The following TTC7A variants were observed in gnomAD, a reference collection of about 807,000 sequenced individuals.
The protein encoded by TTC7A is tetratricopeptide repeat protein 7A.
TTC7A carries 110 observed loss-of-function variants against 103.7 expected under a neutral mutation model. That is an observed-to-expected ratio of 1.06 (90% CI 0.91 to 1.24). TTC7A has a LOEUF of 1.24. Among genes scored for constraint, TTC7A ranks in the 50% most tolerant of loss-of-function variants. TTC7A has a pLI of 0.00. For missense variants in TTC7A, 1,340 were observed against 1,116.3 expected, an observed-to-expected ratio of 1.20 and a Z score of -2.86; for synonymous variants, 521 against 467.9, an observed-to-expected ratio of 1.11 and a Z score of -1.47.
intron 15 of TTC7A, chr2:47,034,496 G>C (rs1680900913): frequency 6.6e-6 from 1 of 152,236 alleles, no homozygotes; most frequent in Non-Finnish European, 1.5e-5. Context: ...TGGGCTCTGT[G>C]GGGCGATGGT....
chr2:46,982,798 C>CA (rs918758208), intron 5 of TTC7A, among the ~76,000 whole-genome samples: 12 of 150,894 alleles, frequency 8.0e-5, no homozygotes, highest in East Asian at 3.9e-4. Context: ...ACCGTCTCTA[C>CA]AAAAAAAAAT....
At chr2:46,946,577 C>CT (rs1670959602) in intron 1 of TTC7A, among the ~76,000 whole-genome samples, 1 of 152,146 alleles carries the variant, frequency 6.6e-6, no homozygotes, top group South Asian at 2.1e-4. Context: ...GCGTGTACCT[C>CT]TAACATCAGC....
intron 5 of TTC7A, among the ~76,000 whole-genome samples, chr2:46,980,084 T>G (rs915767567): frequency 3.3e-5 from 5 of 152,216 alleles, no homozygotes; most frequent in African/African-American, 1.2e-4. Context: ...ATTTTTAGTG[T>G]GATTTATTTT....
intron 9 of TTC7A, 150 bp downstream of exon 9, chr2:47,006,209 T>A: frequency 9.2e-7 from 1 of 1,092,000 alleles, no homozygotes; most frequent in Non-Finnish European, 1.3e-6. Context: ...AAGTCTCAGC[T>A]TCCTCATTGG....
rs574311897 is a variant in TTC7A at position 47,010,166 on chromosome 2, T to C, written c.1288-1165T>C. ...AATCACTTGGTATTTAAAATGCACT[T>C]AGAACAGGGGTCTCCAGACTCTTTT... On this transcript the variant is annotated intron_variant, in intron 10 of 19. Coordinates refer to ENST00000319190, the MANE Select transcript of TTC7A (RefSeq NM_020458.4). 2.6e-5 allele frequency among the ~76,000 whole-genome samples: 4 copies of C among 152,262 alleles called. No homozygotes were observed. The South Asian group carries it at 8.3e-4, about 32-fold the overall frequency.
rs375320678 is a variant in TTC7A at position 47,060,759 on chromosome 2, G to C, written c.2153-10G>C. The C allele has an allele frequency of 3.9e-5, 62 of 1,588,334 alleles. No individual in the cohort carries two copies. Among genetic ancestry groups the C allele is most frequent in the Non-Finnish European group, 4.3e-5 (50 of 1,161,424 alleles). ...CACTCACACCTCCCACTGCCCTTCT[G>C]CTTTTGCAGCTGAGCTGTTCATGGA... On this transcript the variant is annotated splice_polypyrimidine_tract_variant and intron_variant, in intron 18 of 19. Transcript: ENST00000319190.
At chr2:47,006,315 G>A (rs907168742) in intron 9 of TTC7A, among the ~76,000 whole-genome samples, 14 of 152,224 alleles carry the variant, frequency 9.2e-5, no homozygotes, top group African/African-American at 2.9e-4. Context: ...AATAATAAAT[G>A]TTCGCTGCTA....
chr2:46,985,610 G>A (rs1572818142), intron 5 of TTC7A, among the ~76,000 whole-genome samples: 2 of 152,228 alleles, frequency 1.3e-5, no homozygotes, highest in African/African-American at 4.8e-5. Flanking sequence ...ACTGAAGAAA[G>A]GAGAGGTTAA....
At chr2:47,060,263 A>G (rs1573065064) in intron 18 of TTC7A, among the ~76,000 whole-genome samples, 1 of 152,160 alleles carries the variant, frequency 6.6e-6, no homozygotes. Context: ...CCAGCTACTC[A>G]GGAGGCTGAG....
At chr2:46,962,519 G>A (rs1225961282) in intron 3 of TTC7A, among the ~76,000 whole-genome samples, 1 of 152,202 alleles carries the variant, frequency 6.6e-6, no homozygotes, top group African/African-American at 2.4e-5. Context: ...TGCCAAGTTA[G>A]GGTCACTTCC....
At chr2:47,022,002 C>A in intron 12 of TTC7A, 23 bp downstream of exon 12, 2 of 1,567,116 alleles carry the variant, frequency 1.3e-6, no homozygotes, top group South Asian at 1.1e-5. Context: ...CCCCAGGAGG[C>A]CTCTACTTGG....
intron 4 of TTC7A, among the ~76,000 whole-genome samples, chr2:46,975,862 G>T (rs1026836041): frequency 6.6e-6 from 1 of 151,826 alleles, no homozygotes; most frequent in Non-Finnish European, 1.5e-5. Context: ...TCAGCCTTTC[G>T]AGTAGCTGGG....
chr2:47,022,030 T>C (rs747598627), intron 12 of TTC7A, 51 bp downstream of exon 12: 45 of 1,402,836 alleles, frequency 3.2e-5, no homozygotes, highest in Non-Finnish European at 4.5e-5. Context: ...TCAGGCTTCC[T>C]AACTGCCTCA....
intron 14 of TTC7A, among the ~76,000 whole-genome samples, chr2:47,027,434 C>T (rs1680036197): frequency 6.6e-6 from 1 of 152,262 alleles, no homozygotes; most frequent in South Asian, 2.1e-4. Flanking sequence ...AGCGCCTGCT[C>T]TGCTGCTAAC....
intron 18 of TTC7A, chr2:47,054,115 G>T: frequency 1.0e-6 from 1 of 985,436 alleles, no homozygotes; most frequent in African/African-American, 1.7e-5. Context: ...AGAGAACTCC[G>T]AGAACAGCAT....
chr2:46,916,741 TCTC>T (rs1668814494), intron 1 of TTC7A, among the ~76,000 whole-genome samples: 1 of 152,174 alleles, frequency 6.6e-6, no homozygotes, highest in Non-Finnish European at 1.5e-5. Flanking sequence ...TTCAAGCTCT[TCTC>T]CTACCTCAGC....
intron 2 of TTC7A, among the ~76,000 whole-genome samples, chr2:46,951,439 T>C (rs1671394812): frequency 6.6e-6 from 1 of 152,060 alleles, no homozygotes; most frequent in South Asian, 2.1e-4. Context: ...TGAACTATAA[T>C]AGTGGCATGG....
In TTC7A at chr2:46,941,619, G is replaced by A. The variant is rs1670388225; in HGVS notation, c.78G>A (p.Trp26Ter). The change falls in exon 1 of 20, where the codon TGG becomes TGA. Residue 26 changes from tryptophan to a stop codon, truncating the protein, a stop_gained. Coordinates refer to ENST00000319190, the MANE Select transcript of TTC7A (RefSeq NM_020458.4). LOFTEE classifies it high-confidence loss of function. The surrounding 1 kb of genome is among the most constrained non-coding windows in gnomAD (Gnocchi z 4.2). ...ELERCRAEGH[W>*]DRMPELVRQL... ...AGCGCTGCCGCGCCGAGGGCCACTG[G>A]GACCGCATGCCGGAGCTGGTCCGGC... 2.6e-6 allele frequency: 4 copies of A among 1,556,108 alleles called. No homozygotes were observed. The highest frequency in any genetic ancestry group is 3.5e-6 in the Non-Finnish European group (4 of 1,150,394).
intron 6 of TTC7A, 141 bp downstream of exon 6, chr2:46,993,669 C>T: frequency 1.3e-6 from 1 of 752,912 alleles, no homozygotes; most frequent in Non-Finnish European, 2.3e-6. Context: ...TAATCAATCT[C>T]AGCATCCTTT....
Sources: allele counts gnomAD v4.1 joint callset (sites outside exome capture counted in the v4.1 genomes callset), GRCh38; gene constraint gnomAD v4.1.1; non-coding constraint Gnocchi (gnomAD v3.1); transcripts MANE v1.5; gene names NCBI Gene and HGNC (gene_info 2026-07-23, HGNC 2026-07-21).